Variants in PLCH1 observed in about 807,000 individuals in gnomAD.
The protein encoded by PLCH1 is 1-phosphatidylinositol 4,5-bisphosphate phosphodiesterase eta-1.
Under a neutral mutation model 126.7 loss-of-function variants are expected in PLCH1, and 60 were observed. The ratio of observed to expected loss-of-function variants is 0.47; its 90% CI spans 0.38 to 0.59. The LOEUF is 0.59. Ranked by LOEUF, PLCH1 falls within the 20% of genes least tolerant of loss-of-function variation. The pLI is 0.00. For missense variants in PLCH1, 1,723 were observed against 2,040.0 expected, an observed-to-expected ratio of 0.84 and a Z score of 2.99; for synonymous variants, 719 against 734.9, an observed-to-expected ratio of 0.98 and a Z score of 0.35.
chr3:155,540,265 A>C (rs960438814), intron 10 of PLCH1, among the ~76,000 whole-genome samples: 1 of 152,202 alleles, frequency 6.6e-6, no homozygotes, highest in African/African-American at 2.4e-5. Flanking sequence ...ACTTAAATAT[A>C]ACACCTGAAA....
intron 2 of PLCH1, among the ~76,000 whole-genome samples, chr3:155,620,635 A>G (rs73156517): frequency 0.053 from 8,080 of 152,250 alleles, 260 homozygotes; most frequent in Middle Eastern, 0.1. Flanking sequence ...AACCGTGGGG[A>G]AAGTGGGAGT....
intron 2 of PLCH1, chr3:155,676,385 C>G: frequency 9.7e-7 from 1 of 1,027,836 alleles, no homozygotes; most frequent in South Asian, 4.6e-5. Context: ...ATGCATGCTT[C>G]GTGCAGCGCG....
intron 6 of PLCH1, among the ~76,000 whole-genome samples, chr3:155,574,554 G>C (rs1000486596): frequency 1.3e-5 from 2 of 152,094 alleles, no homozygotes; most frequent in East Asian, 3.9e-4. Context: ...TTTACAGAGG[G>C]GGATTGTCTT....
chr3:155,638,602 T>A (rs1336256522), intron 2 of PLCH1, among the ~76,000 whole-genome samples: 1 of 152,260 alleles, frequency 6.6e-6, no homozygotes, highest in African/African-American at 2.4e-5. Context: ...TGTGAATGTT[T>A]ATTTGTGAAG....
At chr3:155,600,665 A>G (rs1402861923) in intron 2 of PLCH1, among the ~76,000 whole-genome samples, 2 of 152,082 alleles carry the variant, frequency 1.3e-5, no homozygotes, top group Non-Finnish European at 2.9e-5. Context: ...CCCATCACAC[A>G]GCACAAATAT....
intron 1 of PLCH1, among the ~76,000 whole-genome samples, chr3:155,741,690 T>TTTTTTTTTTTTTTA (rs1749644638): frequency 4.2e-5 from 6 of 144,514 alleles, no homozygotes; most frequent in African/African-American, 1.6e-4. Flanking sequence ...TCCTCTTTTT[T>TTTTTTTTTTTTTTA]TTTTTTTTTT....
Position 155,588,245 on chromosome 3 carries a change from G to A in PLCH1, c.471-2051C>T, listed in dbSNP as rs539988369. ...AAAATAACTAGCCCAGCTCTTTCTA[G>A]TTCAATTTTTCCTTATAGACTTGTC... On this transcript the variant is annotated intron_variant, in intron 4 of 22. Coordinates refer to ENST00000460012, the MANE Select transcript of PLCH1 (RefSeq NM_014996.4). 2.6e-5 allele frequency among the ~76,000 whole-genome samples: 4 copies of A among 151,998 alleles called. No individual in the cohort carries two copies. In the South Asian group the frequency reaches 8.3e-4, roughly 32 times the overall value.
At chr3:155,476,579 TAAAC>T (rs532455854), downstream of PLCH1, among the ~76,000 whole-genome samples, 263 of 152,222 alleles carry the variant, frequency 1.7e-3, 1 homozygote, top group African/African-American at 5.9e-3. Flanking sequence ...GTAGAACTGA[TAAAC>T]AAATTCAGCA....
chr3:155,580,175 T>C (rs1238315697), intron 6 of PLCH1, among the ~76,000 whole-genome samples: 1 of 152,210 alleles, frequency 6.6e-6, no homozygotes, highest in African/African-American at 2.4e-5. Context: ...TTTTGTTAAT[T>C]ATAAACTGAA....
intron 2 of PLCH1, among the ~76,000 whole-genome samples, chr3:155,637,963 G>T (rs1268739643): frequency 6.6e-6 from 1 of 152,252 alleles, no homozygotes; most frequent in Non-Finnish European, 1.5e-5. Context: ...GGAAGCAAGG[G>T]GTTCAACAGT....
At chr3:155,553,419 T>C (rs359547) in intron 9 of PLCH1, among the ~76,000 whole-genome samples, 79,164 of 152,004 alleles carry the variant, frequency 0.52, 22,910 homozygotes, top group Non-Finnish European at 0.66. Flanking sequence ...ACTGAGTATG[T>C]TTCAACATGG....
chr3:155,645,929 T>C (rs999008180), intron 2 of PLCH1, among the ~76,000 whole-genome samples: 7 of 152,126 alleles, frequency 4.6e-5, no homozygotes, highest in African/African-American at 1.7e-4. Flanking sequence ...AGACTTGGGA[T>C]TGACTAGTTT....
rs1744915900 is a variant in PLCH1, at chr3:155,686,072, A to G, written c.79+18074T>C. Among the ~76,000 whole-genome samples, 4 of 152,216 alleles carry G rather than the reference A, an allele frequency of 2.6e-5. No individual in the cohort carries two copies. The South Asian group carries it at 8.3e-4, about 32-fold the overall frequency. ...TAATTATACCATGGGGCAAAGGGCCATGAGGTATGCAACTTATTCTCAAAT... is the reference window on the plus strand; with the variant it reads ...TAATTATACCATGGGGCAAAGGGCCGTGAGGTATGCAACTTATTCTCAAAT... On this transcript the variant is annotated intron_variant, in intron 2 of 22. Coordinates refer to ENST00000460012, the MANE Select transcript of PLCH1 (RefSeq NM_014996.4).
chr3:155,516,966 G>C (rs1168839147), intron 11 of PLCH1, among the ~76,000 whole-genome samples: 1 of 152,108 alleles, frequency 6.6e-6, no homozygotes, highest in Non-Finnish European at 1.5e-5. Context: ...GACAATTCCA[G>C]GAGCATAAGA....
At chr3:155,472,174 C>A (rs1325524177) in intron 21 of PLCH1, among the ~76,000 whole-genome samples, 1 of 151,782 alleles carries the variant, frequency 6.6e-6, no homozygotes, top group Non-Finnish European at 1.5e-5. Flanking sequence ...AATTGATAGA[C>A]CACTAGCAAG....
rs192098783 is a variant in PLCH1, at chr3:155,550,329, A to G, written c.1191-371T>C. Among the ~76,000 whole-genome samples, 20 of 152,332 alleles carry G rather than the reference A, an allele frequency of 1.3e-4. No homozygotes were observed. In the East Asian group the frequency reaches 3.9e-3, roughly 29 times the overall value. ...AATGTAATTTTGTCTTATTTATTCA[A>G]AAGTCTAACAGCTTCTAAGAGACCA... is the stretch of plus-strand genomic sequence containing the variant. On this transcript the variant is annotated intron_variant, in intron 9 of 22. Transcript: ENST00000460012.
chr3:155,524,184 C>A (rs1721594640), intron 10 of PLCH1, among the ~76,000 whole-genome samples, 180 bp from the exon 11 acceptor site: 1 of 152,100 alleles, frequency 6.6e-6, no homozygotes, highest in South Asian at 2.1e-4. Flanking sequence ...AATGAAGGAA[C>A]CTTGAAGGTA....
chr3:155,562,546 A>T (rs940868224), intron 8 of PLCH1, among the ~76,000 whole-genome samples: 8 of 152,150 alleles, frequency 5.3e-5, no homozygotes, highest in Non-Finnish European at 2.9e-5. Context: ...CTCTAAGCAG[A>T]TGAGTACTGC....
chr3:155,674,516 G>T (rs1346075870), intron 2 of PLCH1, among the ~76,000 whole-genome samples: 2 of 152,084 alleles, frequency 1.3e-5, no homozygotes, highest in Non-Finnish European at 2.9e-5. Context: ...TCAGAAGAAA[G>T]ATTTTTTGAA....
Sources: allele counts gnomAD v4.1 joint callset (sites outside exome capture counted in the v4.1 genomes callset), GRCh38; gene constraint gnomAD v4.1.1; transcripts MANE v1.5; gene names NCBI Gene and HGNC (gene_info 2026-07-23, HGNC 2026-07-21).